Variants in SLC24A2 observed in about 807,000 individuals in gnomAD.
SLC24A2 encodes solute carrier family 24 member 2, also known as sodium/potassium/calcium exchanger 2.
SLC24A2 carries 36 observed loss-of-function variants against 62.0 expected under a neutral mutation model. The ratio of observed to expected loss-of-function variants is 0.58; its 90% CI spans 0.44 to 0.77. The LOEUF is 0.77. SLC24A2 is among the 30% of genes least tolerant of loss of function. The pLI is 0.00. For synonymous variants in SLC24A2, 358 were observed against 294.0 expected, an observed-to-expected ratio of 1.22 and a Z score of -2.23; for missense variants, 846 against 817.9, an observed-to-expected ratio of 1.03 and a Z score of -0.42.
chr9:20,152,272 A>C, the SLC24A2 span, among the ~76,000 whole-genome samples: 6 of 151,618 alleles, frequency 4.0e-5, no homozygotes, highest in Admixed American at 4.0e-4. Context: ...GAGCTTTAAA[A>C]CCTCTTTGGG....
the SLC24A2 span, among the ~76,000 whole-genome samples, chr9:20,298,888 T>C: frequency 6.6e-6 from 1 of 152,216 alleles, no homozygotes. Context: ...ACTCAGCTAG[T>C]TGGGGCAGAC....
chr9:20,028,158 A>G, the SLC24A2 span, among the ~76,000 whole-genome samples: 5,131 of 152,268 alleles, frequency 0.034, 306 homozygotes, highest in African/African-American at 0.12. Context: ...GCCAGCTGGT[A>G]TTCAATTCTA....
the SLC24A2 span, among the ~76,000 whole-genome samples, chr9:19,822,145 C>G: frequency 3.3e-5 from 5 of 152,054 alleles, no homozygotes; most frequent in Non-Finnish European, 5.9e-5. Flanking sequence ...TGAAGAATAA[C>G]CTAGTGATAA....
At chr9:19,893,701 T>C in the SLC24A2 span, among the ~76,000 whole-genome samples, 1 of 152,170 alleles carries the variant, frequency 6.6e-6, no homozygotes, top group Non-Finnish European at 1.5e-5. Flanking sequence ...GAAGGTCTCA[T>C]TGTTGGTATT....
At position 19,516,378 on chromosome 9, in the gene SLC24A2, G is replaced by A. The variant is rs1031555648; in HGVS notation, c.1761C>T (p.Tyr587=). Residue 587 remains tyrosine, a synonymous_variant, in exon 11 of 11, where the codon TAC becomes TAT. Coordinates refer to ENST00000341998, the MANE Select transcript of SLC24A2 (RefSeq NM_020344.4). ...TVGLPLPWLL[Y]TVIHRFQPVA... The stretch of plus-strand genomic sequence containing the variant: ...CTGGCTGGAATCTGTGAATGACGGT[G>A]TACAGGAGCCAGGGCAGTGGGAGCC... The A allele has an allele frequency of 6.2e-7, 1 of 1,614,038 alleles. No homozygotes were observed. The highest frequency in any genetic ancestry group is 8.5e-7 in the Non-Finnish European group (1 of 1,179,982).
the SLC24A2 span, among the ~76,000 whole-genome samples, chr9:20,150,103 G>GT: frequency 6.6e-6 from 1 of 151,902 alleles, no homozygotes; most frequent in Non-Finnish European, 1.5e-5. Context: ...CCTTCTCTAG[G>GT]TTACAGTACT....
the SLC24A2 span, among the ~76,000 whole-genome samples, chr9:20,061,618 C>T: frequency 7.2e-5 from 11 of 152,230 alleles, no homozygotes; most frequent in South Asian, 2.1e-4. Flanking sequence ...AGTGCCAAGA[C>T]AATTCAATGA....
chr9:19,836,293 G>A, the SLC24A2 span, among the ~76,000 whole-genome samples: 1 of 152,112 alleles, frequency 6.6e-6, no homozygotes, highest in Non-Finnish European at 1.5e-5. Flanking sequence ...CCAGGAGCTG[G>A]TTTTTTGAAT....
At chr9:20,253,740 G>T in the SLC24A2 span, among the ~76,000 whole-genome samples, 1 of 152,184 alleles carries the variant, frequency 6.6e-6, no homozygotes, top group Non-Finnish European at 1.5e-5. Flanking sequence ...AGATTAACTG[G>T]ATTCTTTTTC....
the SLC24A2 span, among the ~76,000 whole-genome samples, chr9:20,002,761 T>G: frequency 6.6e-6 from 1 of 152,178 alleles, no homozygotes; most frequent in African/African-American, 2.4e-5. Flanking sequence ...GCCAAACACT[T>G]CTGGATTTTT....
At chr9:19,906,449 C>A in the SLC24A2 span, among the ~76,000 whole-genome samples, 25 of 151,024 alleles carry the variant, frequency 1.7e-4, no homozygotes, top group African/African-American at 4.1e-4. Flanking sequence ...CATTCAAAAG[C>A]TAGCAGAAGG....
chr9:20,210,231 C>CT, the SLC24A2 span, among the ~76,000 whole-genome samples: 64 of 152,304 alleles, frequency 4.2e-4, 1 homozygote, highest in African/African-American at 1.5e-3. Flanking sequence ...GACCCAGCAC[C>CT]TGGCAGGATG....
the SLC24A2 span, among the ~76,000 whole-genome samples, chr9:19,824,590 A>C: frequency 6.6e-6 from 1 of 152,194 alleles, no homozygotes; most frequent in Admixed American, 6.5e-5. Flanking sequence ...AATTAGTTCA[A>C]CCATTGTGGA....
At chr9:19,554,108 G>C (rs1028255585) in intron 7 of SLC24A2, among the ~76,000 whole-genome samples, 1 of 152,098 alleles carries the variant, frequency 6.6e-6, no homozygotes, top group Non-Finnish European at 1.5e-5. Flanking sequence ...CCTTATAGGA[G>C]AAGATTAGGA....
chr9:19,680,851 T>TTGTGTGAGTGTGTG lies in SLC24A2; in HGVS notation c.931-58553_931-58552insCACACACTCACACA, dbSNP rs1554697846. Among the ~76,000 whole-genome samples, 1,010 of 147,068 alleles carry TTGTGTGAGTGTGTG rather than the reference T, an allele frequency of 6.9e-3. 11 individuals carry two copies. In the East Asian group the frequency reaches 0.074, roughly 11 times the overall value. On this transcript the variant is annotated intron_variant, in intron 2 of 10. Transcript: ENST00000341998. ...TTTAAACTCAAAATATATACCAGAG[T>TTGTGTGAGTGTGTG]TGTGTGTGTGTGTGTGTGTGTGTGT...
the SLC24A2 span, among the ~76,000 whole-genome samples, chr9:20,277,823 C>T: frequency 2.6e-5 from 4 of 152,198 alleles, no homozygotes; most frequent in Admixed American, 2.6e-4. Context: ...ATAGCAAAGA[C>T]TTGGAACCAA....
At chr9:19,750,041 T>C (rs1230316896) in intron 2 of SLC24A2, among the ~76,000 whole-genome samples, 6 of 152,170 alleles carry the variant, frequency 3.9e-5, no homozygotes, top group Non-Finnish European at 8.8e-5. Flanking sequence ...GGAACTGCAG[T>C]TGCCCATGCT....
the SLC24A2 span, among the ~76,000 whole-genome samples, chr9:20,227,854 G>A: frequency 6.6e-6 from 1 of 152,124 alleles, no homozygotes; most frequent in Admixed American, 6.6e-5. Flanking sequence ...CAGAGACTGG[G>A]TAGTCTGAAA....
chr9:20,065,015 A>T, the SLC24A2 span, among the ~76,000 whole-genome samples: 2 of 152,202 alleles, frequency 1.3e-5, no homozygotes, highest in African/African-American at 4.8e-5. Flanking sequence ...CATTACTGGC[A>T]ATCTGTGTGA....
Sources: gnomAD v4.1 joint callset for allele counts (sites outside exome capture counted in the v4.1 genomes callset) on GRCh38, gnomAD v4.1.1 for gene constraint, MANE v1.5 for transcripts, NCBI Gene and HGNC (gene_info 2026-07-23, HGNC 2026-07-21) for gene names.